HMGCLL1: variants seen among roughly 807,000 people sequenced by gnomAD.
HMGCLL1 encodes the protein 3-hydroxymethyl-3-methylglutaryl-CoA lyase, cytoplasmic.
In HMGCLL1, 36 loss-of-function variants were observed where a neutral mutation model predicts 39.1. The ratio of observed to expected loss-of-function variants is 0.92; its 90% CI spans 0.71 to 1.22. HMGCLL1 has a LOEUF of 1.22. HMGCLL1 is among the 50% of genes most tolerant of loss of function. The pLI is 0.00. For synonymous variants in HMGCLL1, 149 were observed against 144.0 expected (o/e 1.03, Z -0.25); for missense variants, 451 against 416.5 (o/e 1.08, Z -0.72).
chr6:55,635,446 C>A, the HMGCLL1 span, among the ~76,000 whole-genome samples: 9 of 151,816 alleles, frequency 5.9e-5, no homozygotes, highest in Middle Eastern at 3.2e-3. Flanking sequence ...AAAAAAAATT[C>A]TTTTATTTTA....
In HMGCLL1 at chr6:55,561,170, T is replaced by C. The variant is rs137915636; in HGVS notation, c.108+17778A>G. Among the ~76,000 whole-genome samples, 866 of 152,280 alleles carry C rather than the reference T, an allele frequency of 5.7e-3. 10 individuals are homozygous for C. The highest frequency in any genetic ancestry group is 0.019 in the African/African-American group (803 of 41,574). On this transcript the variant is annotated intron_variant, in intron 1 of 8. Transcript: ENST00000274901. Reference sequence around the variant, plus strand: ...TATATTATAAACAAATAGTATGTAATGTTTATCAAAATTATTTCTTCCCAG... The same window carrying C: ...TATATTATAAACAAATAGTATGTAACGTTTATCAAAATTATTTCTTCCCAG...
intron 1 of HMGCLL1, among the ~76,000 whole-genome samples, chr6:55,577,388 A>T (rs2127480178): frequency 6.6e-6 from 1 of 152,306 alleles, no homozygotes; most frequent in African/African-American, 2.4e-5. Flanking sequence ...GAGACAAATA[A>T]GAGTTTTCTA....
intron 7 of HMGCLL1, among the ~76,000 whole-genome samples, chr6:55,469,202 G>A (rs1764922199): frequency 6.6e-6 from 1 of 150,444 alleles, no homozygotes; most frequent in Non-Finnish European, 1.5e-5. Flanking sequence ...AAACCTACAA[G>A]ATAGAGACAG....
the HMGCLL1 span, among the ~76,000 whole-genome samples, chr6:55,633,754 T>C: frequency 5.9e-5 from 9 of 152,124 alleles, no homozygotes. Flanking sequence ...CAGGAAGCTC[T>C]GTAGTGACGT....
the HMGCLL1 span, among the ~76,000 whole-genome samples, chr6:55,636,554 T>A: frequency 6.6e-6 from 1 of 152,156 alleles, no homozygotes; most frequent in African/African-American, 2.4e-5. Flanking sequence ...AAATAACTTA[T>A]GGCTTAGTGT....
At chr6:55,548,787 TTAAG>T (rs546431617) in intron 1 of HMGCLL1, among the ~76,000 whole-genome samples, 44 of 150,020 alleles carry the variant, frequency 2.9e-4, no homozygotes, top group South Asian at 1.2e-3. Context: ...TTAGAGAATA[TTAAG>T]TAATAGAGAA....
At chr6:55,677,675 G>A in the HMGCLL1 span, among the ~76,000 whole-genome samples, 3 of 152,136 alleles carry the variant, frequency 2.0e-5, no homozygotes, top group Non-Finnish European at 4.4e-5. Flanking sequence ...GTTATCAAAT[G>A]ACTACACAGG....
chr6:55,557,371 A>C (rs961558584), intron 1 of HMGCLL1, among the ~76,000 whole-genome samples: 1 of 151,952 alleles, frequency 6.6e-6, no homozygotes, highest in Non-Finnish European at 1.5e-5. Context: ...GTTGCCTGGC[A>C]GCGCGTCTGT....
chr6:55,552,735 A>C (rs1770413387), intron 1 of HMGCLL1, among the ~76,000 whole-genome samples: 1 of 152,046 alleles, frequency 6.6e-6, no homozygotes, highest in Non-Finnish European at 1.5e-5. Context: ...GGATACAGAG[A>C]CTAATTTTGA....
At chr6:55,454,525 C>A (rs1407507206) in intron 7 of HMGCLL1, among the ~76,000 whole-genome samples, 1 of 152,168 alleles carries the variant, frequency 6.6e-6, no homozygotes, top group Non-Finnish European at 1.5e-5. Flanking sequence ...CCTAGCAGAG[C>A]TGAAAAATCA....
At chr6:55,491,683 G>A (rs148101538) in intron 7 of HMGCLL1, among the ~76,000 whole-genome samples, 2 of 152,194 alleles carry the variant, frequency 1.3e-5, no homozygotes, top group East Asian at 3.9e-4. Flanking sequence ...CTTGGCAGAA[G>A]GGTGAAGCTA....
intron 1 of HMGCLL1, among the ~76,000 whole-genome samples, chr6:55,561,338 C>T (rs1353657194): frequency 6.6e-6 from 1 of 152,082 alleles, no homozygotes; most frequent in Admixed American, 6.6e-5. Flanking sequence ...AAGGGCCCTA[C>T]AAGTAAAACT....
the HMGCLL1 span, among the ~76,000 whole-genome samples, chr6:55,647,690 A>G: frequency 7.4e-6 from 1 of 135,148 alleles, no homozygotes; most frequent in African/African-American, 2.8e-5. Context: ...CTACACTTTA[A>G]TTTTATTCCC....
chr6:55,659,855 T>C, the HMGCLL1 span, among the ~76,000 whole-genome samples: 1 of 151,892 alleles, frequency 6.6e-6, no homozygotes, highest in African/African-American at 2.4e-5. Context: ...GAAATGTCAG[T>C]CTATAATGTA....
the HMGCLL1 span, among the ~76,000 whole-genome samples, chr6:55,666,242 C>A: frequency 1.3e-5 from 2 of 151,714 alleles, no homozygotes; most frequent in Non-Finnish European, 2.9e-5. Context: ...TAAATAGGGC[C>A]TAGAAACAGC....
chr6:55,493,899 A>T (rs990392791), intron 7 of HMGCLL1, among the ~76,000 whole-genome samples: 38 of 151,116 alleles, frequency 2.5e-4, no homozygotes, highest in African/African-American at 8.8e-4. Context: ...CGCCTGGCTA[A>T]TTTTTTTGTA....
chr6:55,491,343 G>C (rs763501018), intron 7 of HMGCLL1, among the ~76,000 whole-genome samples: 18 of 151,986 alleles, frequency 1.2e-4, no homozygotes, highest in Non-Finnish European at 2.4e-4. Context: ...AAAACTTAAA[G>C]TATAATAAAA....
chr6:55,652,114 A>T, the HMGCLL1 span, among the ~76,000 whole-genome samples: 1 of 152,024 alleles, frequency 6.6e-6, no homozygotes, highest in African/African-American at 2.4e-5. Flanking sequence ...AGTTGTCAAA[A>T]TTTGGAGTTC....
intron 5 of HMGCLL1, among the ~76,000 whole-genome samples, chr6:55,505,600 T>C (rs984003516): frequency 3.3e-5 from 5 of 151,672 alleles, no homozygotes; most frequent in Non-Finnish European, 7.4e-5. Flanking sequence ...TGCTCTAGAA[T>C]ACTTGACTGA....
Sources: gnomAD v4.1 joint callset for allele counts (sites outside exome capture counted in the v4.1 genomes callset) on GRCh38, gnomAD v4.1.1 for gene constraint, MANE v1.5 for transcripts, NCBI Gene and HGNC (gene_info 2026-07-23, HGNC 2026-07-21) for gene names.